The following PRKN variants were observed in gnomAD, a reference collection of about 807,000 sequenced individuals.
PRKN encodes parkin RBR E3 ubiquitin protein ligase.
PRKN carries 56 observed loss-of-function variants against 59.5 expected under a neutral mutation model. The ratio of observed to expected loss-of-function variants is 0.94; its 90% CI spans 0.76 to 1.18. The LOEUF is 1.18. Among genes scored for constraint, PRKN ranks in the 50% most tolerant of loss-of-function variants. The pLI, the probability that PRKN is intolerant of heterozygous loss-of-function variation, is 0.00. For synonymous variants in PRKN, 250 were observed against 222.1 expected (o/e 1.13, Z -1.12); for missense variants, 657 against 596.4 (o/e 1.10, Z -1.06).
rs1191019744 is a variant in PRKN, at chr6:161,467,025, A to G, written c.1084-80148T>C. Among the ~76,000 whole-genome samples, 1 of 152,208 alleles carries G rather than the reference A, an allele frequency of 6.6e-6. No individual in the cohort carries two copies. The highest frequency in any genetic ancestry group is 2.4e-5 in the African/African-American group (1 of 41,454). ...TATACAAGCCAACTTCTCTCTGCAGAATGTTCTACATCCCAGAAACCAGGA... is the reference window on the plus strand; with the variant it reads ...TATACAAGCCAACTTCTCTCTGCAGGATGTTCTACATCCCAGAAACCAGGA... On this transcript the variant is annotated intron_variant, in intron 9 of 11. Transcript: ENST00000366898. This position sits in a 1 kb window ranked among gnomAD's most constrained non-coding sequence, Gnocchi z 4.3.
At chr6:161,791,318 C>T (rs1451416836) in intron 6 of PRKN, among the ~76,000 whole-genome samples, 2 of 152,298 alleles carry the variant, frequency 1.3e-5, no homozygotes, top group East Asian at 3.9e-4. Flanking sequence ...AAGTCATTCA[C>T]ATACATTAAA....
intron 8 of PRKN, among the ~76,000 whole-genome samples, chr6:161,559,151 AG>A (rs1293628396): frequency 2.0e-5 from 3 of 150,836 alleles, no homozygotes; most frequent in African/African-American, 7.3e-5. Context: ...CAGATATTTC[AG>A]GTGACCCAAT....
At position 161,349,761 on chromosome 6, in the gene PRKN, G is replaced by A. The variant is rs534613701; in HGVS notation, c.*338C>T. 2 of 458,896 alleles carry A rather than the reference G, an allele frequency of 4.4e-6. No homozygotes were observed. The highest frequency in any genetic ancestry group is 3.9e-5 in the African/African-American group (2 of 51,662). The allele number at this position is 458,896 out of a possible 1,614,324, so 28.4% of individuals were successfully genotyped here. The stretch of plus-strand genomic sequence containing the variant: ...TGAGAATGACCCATACAGATACATG[G>A]ATTGCACTTGAATCTGTGCTCTGGT... On this transcript the variant is annotated 3_prime_UTR_variant, in exon 12 of 12. Transcript: ENST00000366898. The surrounding 1 kb of genome is among the most constrained non-coding windows in gnomAD (Gnocchi z 5.5).
Position 162,533,942 on chromosome 6 carries a change from G to A in PRKN, c.8-90469C>T, listed in dbSNP as rs542675149. 1.1e-3 allele frequency among the ~76,000 whole-genome samples: 163 copies of A among 146,260 alleles called. 1 individual carries two copies. Among genetic ancestry groups the A allele is most frequent in the Middle Eastern group, 7.4e-3 (2 of 272 alleles). ...GCCGAGATTGCACCAATGCACTCTG[G>A]ACTGGGTGACAGAGCCAGACTCCAT... On this transcript the variant is annotated intron_variant, in intron 1 of 11. Transcript: ENST00000366898.
chr6:162,444,116 C>T (rs1790194834), intron 1 of PRKN, among the ~76,000 whole-genome samples: 1 of 152,130 alleles, frequency 6.6e-6, no homozygotes, highest in African/African-American at 2.4e-5. Flanking sequence ...AGGCTGCATC[C>T]TCTAGTCTGT....
chr6:161,492,699 A>G (rs536764087), intron 9 of PRKN, among the ~76,000 whole-genome samples: 1 of 152,380 alleles, frequency 6.6e-6, no homozygotes, highest in East Asian at 1.9e-4. Context: ...CAAGGATTAT[A>G]CATGCTTCTT....
intron 4 of PRKN, among the ~76,000 whole-genome samples, chr6:162,186,867 C>T (rs1301587456): frequency 6.6e-6 from 1 of 152,192 alleles, no homozygotes; most frequent in Non-Finnish European, 1.5e-5. Context: ...ACTATGCTTC[C>T]TGTACAGGCT....
At position 161,904,075 on chromosome 6, in the gene PRKN, T is replaced by G. The variant is rs556485905; in HGVS notation, c.734+69227A>C. ...GATGAGGAAATGACAACATGGTCCCTTCCCACAGTGAGCCTGGGGCTGCTA... is the reference window on the plus strand; with the variant it reads ...GATGAGGAAATGACAACATGGTCCCGTCCCACAGTGAGCCTGGGGCTGCTA... On this transcript the variant is annotated intron_variant, in intron 6 of 11. Transcript: ENST00000366898. Among the ~76,000 whole-genome samples the G allele has an allele frequency of 3.9e-5, 6 of 152,138 alleles. No individual in the cohort carries two copies. The East Asian group carries it at 1.2e-3, about 30-fold the overall frequency.
At chr6:162,358,202 G>T (rs1361593449) in intron 2 of PRKN, among the ~76,000 whole-genome samples, 1 of 152,160 alleles carries the variant, frequency 6.6e-6, no homozygotes, top group Non-Finnish European at 1.5e-5. Flanking sequence ...CAACTTTTCT[G>T]TATGTACAAT....
intron 6 of PRKN, among the ~76,000 whole-genome samples, chr6:161,853,066 G>A (rs1264546068): frequency 6.6e-6 from 1 of 152,166 alleles, no homozygotes; most frequent in African/African-American, 2.4e-5. Context: ...GAAAAGTGCT[G>A]TCCATTTCAG....
intron 3 of PRKN, among the ~76,000 whole-genome samples, chr6:162,218,011 G>A (rs1777767325): frequency 6.6e-6 from 1 of 152,174 alleles, no homozygotes; most frequent in Admixed American, 6.5e-5. Context: ...AGGTAGACAT[G>A]TCCCACACAG....
intron 6 of PRKN, among the ~76,000 whole-genome samples, chr6:161,872,534 G>T (rs1020382669): frequency 2.0e-4 from 30 of 152,004 alleles, no homozygotes; most frequent in African/African-American, 6.8e-4. Flanking sequence ...AACTCCATGT[G>T]GGCCCTGATC....
Position 162,113,991 on chromosome 6 carries a change from T to C in PRKN, c.535-59817A>G, listed in dbSNP as rs537136722. Reference sequence around the variant, plus strand: ...TAGGGAATCCTTTCCCCATTGCTTGTTTTTCTCAGGTTTGTCAAAGATCAG... The same window carrying C: ...TAGGGAATCCTTTCCCCATTGCTTGCTTTTCTCAGGTTTGTCAAAGATCAG... On this transcript the variant is annotated intron_variant, in intron 4 of 11. Coordinates refer to ENST00000366898, the MANE Select transcript of PRKN (RefSeq NM_004562.3). 8.0e-3 allele frequency among the ~76,000 whole-genome samples: 1,209 copies of C among 151,940 alleles called. 13 individuals carry two copies. Among genetic ancestry groups the C allele is most frequent in the African/African-American group, 0.028 (1,164 of 41,416 alleles).
chr6:161,921,010 T>C (rs1043237204), intron 6 of PRKN, among the ~76,000 whole-genome samples: 22 of 152,222 alleles, frequency 1.4e-4, no homozygotes, highest in African/African-American at 4.6e-4. Context: ...TGTAACTTTC[T>C]GACTTTATAC....
chr6:162,522,226 C>T (rs1778105816), intron 1 of PRKN, among the ~76,000 whole-genome samples: 1 of 152,216 alleles, frequency 6.6e-6, no homozygotes, highest in African/African-American at 2.4e-5. Context: ...CAGGCTCAAG[C>T]CATCCTCCAA....
At position 161,545,070 on chromosome 6, in the gene PRKN, T is replaced by A; in HGVS notation, c.1083+3784A>T. 1.2e-6 allele frequency: 1 copy of A among 865,128 alleles called. No homozygotes were observed. Among genetic ancestry groups the A allele is most frequent in the East Asian group, 5.9e-5 (1 of 16,966 alleles). The allele number at this position is 865,128 out of a possible 1,614,324, so 53.6% of individuals were successfully genotyped here. ...TGGAGCCCAGAGCTCAACACATGGGTGTCTAGCTCCGAACAATTTTAAATC... is the reference window on the plus strand; with the variant it reads ...TGGAGCCCAGAGCTCAACACATGGGAGTCTAGCTCCGAACAATTTTAAATC... On this transcript the variant is annotated intron_variant, in intron 9 of 11. Transcript: ENST00000366898. This position sits in a 1 kb window ranked among gnomAD's most constrained non-coding sequence, Gnocchi z 4.1.
intron 1 of PRKN, among the ~76,000 whole-genome samples, chr6:162,614,206 T>C (rs554842403): frequency 6.6e-6 from 1 of 152,222 alleles, no homozygotes; most frequent in African/African-American, 2.4e-5. Context: ...ACTTTTTAAT[T>C]AATTAAATCA....
intron 2 of PRKN, among the ~76,000 whole-genome samples, chr6:162,307,152 CAATT>C (rs1196182523): frequency 6.6e-6 from 1 of 152,104 alleles, no homozygotes; most frequent in Non-Finnish European, 1.5e-5. Flanking sequence ...GTAATCCCCT[CAATT>C]TGGGAAGCCA....
At chr6:161,426,276 T>C (rs1229283343) in intron 9 of PRKN, among the ~76,000 whole-genome samples, 2 of 152,152 alleles carry the variant, frequency 1.3e-5, no homozygotes, top group Non-Finnish European at 2.9e-5. Flanking sequence ...GAGTGTCAAC[T>C]TGATTGGACT....
Sources: gnomAD v4.1 joint callset for allele counts (sites outside exome capture counted in the v4.1 genomes callset) on GRCh38, gnomAD v4.1.1 for gene constraint, Gnocchi (gnomAD v3.1) non-coding constraint, MANE v1.5 for transcripts, NCBI Gene and HGNC (gene_info 2026-07-23, HGNC 2026-07-21) for gene names.